The following PPP2R5C variants were observed in gnomAD, a reference collection of about 807,000 sequenced individuals.
PPP2R5C encodes protein phosphatase 2 regulatory subunit B'gamma, also known as serine/threonine-protein phosphatase 2A 56 kDa regulatory subunit gamma isoform.
A neutral mutation model predicts 68.9 loss-of-function variants in PPP2R5C; 7 were observed. The ratio of observed to expected loss-of-function variants is 0.10; its 90% CI spans 0.06 to 0.19. The LOEUF (loss-of-function observed/expected upper bound fraction) is 0.19, where lower values mean the gene tolerates loss of function less well. Among genes scored for constraint, PPP2R5C ranks in the 10% least tolerant of loss-of-function variants. The pLI is 1.00. For missense variants in PPP2R5C, 348 were observed against 641.3 expected, an observed-to-expected ratio of 0.54 and a Z score of 4.94; for synonymous variants, 210 against 222.2, an observed-to-expected ratio of 0.95 and a Z score of 0.49.
At chr14:101,812,776 G>T (rs575606138) in intron 1 of PPP2R5C, among the ~76,000 whole-genome samples, 30 of 152,318 alleles carry the variant, frequency 2.0e-4, no homozygotes, top group African/African-American at 7.0e-4. Flanking sequence ...ATGAGCAGGG[G>T]CTATGGCCCA....
At chr14:101,875,002 A>C (rs2043668545) in intron 2 of PPP2R5C, among the ~76,000 whole-genome samples, 1 of 152,206 alleles carries the variant, frequency 6.6e-6, no homozygotes, top group African/African-American at 2.4e-5. Flanking sequence ...AGCCTCCCAA[A>C]GTGCTGGGAT....
chr14:101,889,373 G>A (rs1302559459), intron 5 of PPP2R5C, among the ~76,000 whole-genome samples: 4 of 152,170 alleles, frequency 2.6e-5, no homozygotes. Context: ...CTTTGTTTCT[G>A]TAGGAGCCCT....
At chr14:101,787,440 A>ATGAAT (rs1337746269) in intron 3 of PPP2R5C, among the ~76,000 whole-genome samples, 11 of 151,900 alleles carry the variant, frequency 7.2e-5, no homozygotes, top group Non-Finnish European at 1.2e-4. Context: ...TTACGGGTGG[A>ATGAAT]TGAATTTTCT....
At chr14:101,844,133 GTTTTT>G (rs1404591801) in intron 1 of PPP2R5C, 1 of 136,382 alleles carries the variant, frequency 7.3e-6, no homozygotes, top group Non-Finnish European at 1.6e-5. Context: ...TGTTTTTGGT[GTTTTT>G]TTTGTTTTTT....
intron 1 of PPP2R5C, among the ~76,000 whole-genome samples, chr14:101,850,948 C>G (rs72715674): frequency 0.099 from 15,010 of 152,220 alleles, 820 homozygotes; most frequent in Non-Finnish European, 0.13. Flanking sequence ...GTTGTTAGTT[C>G]AACTTTGTTC....
chr14:101,875,331 C>T (rs985544232), intron 2 of PPP2R5C, among the ~76,000 whole-genome samples: 2 of 152,136 alleles, frequency 1.3e-5, no homozygotes, highest in African/African-American at 4.8e-5. Context: ...CAAGGACTTC[C>T]CGGCCACCCA....
At chr14:101,840,742 C>T (rs2041417564) in intron 1 of PPP2R5C, among the ~76,000 whole-genome samples, 1 of 152,192 alleles carries the variant, frequency 6.6e-6, no homozygotes, top group Admixed American at 6.5e-5. Context: ...AGATCAAGAA[C>T]AGCAAAGCAC....
intron 1 of PPP2R5C, among the ~76,000 whole-genome samples, chr14:101,845,680 A>G (rs1031298292): frequency 1.3e-5 from 2 of 152,328 alleles, no homozygotes; most frequent in East Asian, 1.9e-4. Context: ...TCATATGCAA[A>G]TAAAACCAGG....
chr14:101,797,367 A>G lies in PPP2R5C; in HGVS notation c.259+11184A>G, dbSNP rs1441840398. On this transcript the variant is annotated intron_variant, in intron 3 of 14. Coordinates refer to the PPP2R5C transcript ENST00000328724. The surrounding 1 kb of genome is among the most constrained non-coding windows in gnomAD (Gnocchi z 4.2). Reference sequence around the variant, plus strand: ...GCCACACACATTCAGTCAGTACACGAGTTAACAGTTGCGTGCTTGTCTGCC... The same window carrying G: ...GCCACACACATTCAGTCAGTACACGGGTTAACAGTTGCGTGCTTGTCTGCC... 3 of 446,812 alleles carry G rather than the reference A, an allele frequency of 6.7e-6. No individual in the cohort carries two copies. Among genetic ancestry groups the G allele is most frequent in the Non-Finnish European group, 4.5e-6 (1 of 219,838 alleles). The allele number at this position is 446,812 out of a possible 1,614,324, so 27.7% of individuals were successfully genotyped here. A position where few individuals can be genotyped will look rare whatever the true frequency, so the allele number is the denominator to read the frequency against.
intron 1 of PPP2R5C, chr14:101,836,192 G>T (rs530691206): frequency 2.8e-6 from 2 of 702,722 alleles, no homozygotes; most frequent in African/African-American, 1.7e-5. Context: ...GCTGGGCAGG[G>T]TTTCAGCTGA....
chr14:101,768,847 C>T (rs796191115), intron 2 of PPP2R5C, among the ~76,000 whole-genome samples: 71 of 146,178 alleles, frequency 4.9e-4, no homozygotes, highest in African/African-American at 1.8e-3. Context: ...TTTTTTGAGA[C>T]GGAGTCTTGC....
intron 2 of PPP2R5C, among the ~76,000 whole-genome samples, chr14:101,779,699 C>T (rs1297794971): frequency 6.6e-6 from 1 of 152,210 alleles, no homozygotes. Flanking sequence ...TGAACTTTCT[C>T]CCGCAGGCAG....
rs561947905 is a variant in PPP2R5C, at chr14:101,775,715, G to T, written c.94-10303G>T. 6.2e-4 allele frequency among the ~76,000 whole-genome samples: 94 copies of T among 152,288 alleles called. 2 individuals carry two copies. The highest frequency in any genetic ancestry group is 2.1e-3 in the African/African-American group (87 of 41,556). On this transcript the variant is annotated intron_variant, in intron 2 of 14. Coordinates refer to the PPP2R5C transcript ENST00000328724. ...GGCAGTGGGGCTGGGCCCAGGGCCA[G>T]CAGTCCACCTACCCTGGCTAGGAAC...
At position 101,891,621 on chromosome 14, in the gene PPP2R5C, C is replaced by T. The variant is rs910295769; in HGVS notation, c.689+1325C>T. ...CGTAGGGCCCCCGTGTGCATAGGGC[C>T]GCCGGGCAGCTCCCGCCGAGAGGCT... On this transcript the variant is annotated intron_variant, in intron 6 of 13. Transcript: ENST00000334743. The surrounding 1 kb of genome is among the most constrained non-coding windows in gnomAD (Gnocchi z 4.9). 3.3e-5 allele frequency among the ~76,000 whole-genome samples: 5 copies of T among 152,108 alleles called. No homozygotes were observed. The highest frequency in any genetic ancestry group is 6.5e-5 in the Admixed American group (1 of 15,284).
chr14:101,810,051 GTT>G (rs2140184161), intron 1 of PPP2R5C: 2 of 1,608,756 alleles, frequency 1.2e-6, no homozygotes, highest in Non-Finnish European at 1.7e-6. Context: ...GTTATTGTGT[GTT>G]TCACTGAATC....
At chr14:101,777,223 T>C (rs2037473047) in intron 2 of PPP2R5C, among the ~76,000 whole-genome samples, 3 of 152,186 alleles carry the variant, frequency 2.0e-5, no homozygotes, top group Admixed American at 2.0e-4. Flanking sequence ...ATTTGAGTTG[T>C]TTCTACCTTT....
intron 2 of PPP2R5C, among the ~76,000 whole-genome samples, chr14:101,770,398 C>T (rs1032114311): frequency 1.3e-5 from 2 of 152,170 alleles, no homozygotes; most frequent in African/African-American, 4.8e-5. Context: ...TGCTTCTGGA[C>T]ATCCAGTGTA....
intron 1 of PPP2R5C, among the ~76,000 whole-genome samples, chr14:101,762,175 C>T (rs1323847837): frequency 6.6e-6 from 1 of 151,660 alleles, no homozygotes. Flanking sequence ...TCGTGATGGG[C>T]CGGGGCTGGG....
chr14:101,816,071 C>T (rs1040179808), intron 1 of PPP2R5C, among the ~76,000 whole-genome samples: 7 of 152,194 alleles, frequency 4.6e-5, no homozygotes, highest in Admixed American at 6.5e-5. Flanking sequence ...CTGTAGTTAA[C>T]GTATTTCAAT....
Sources: gnomAD v4.1 joint callset for allele counts (sites outside exome capture counted in the v4.1 genomes callset) on GRCh38, gnomAD v4.1.1 for gene constraint, Gnocchi (gnomAD v3.1) non-coding constraint, MANE v1.5 for transcripts, NCBI Gene and HGNC (gene_info 2026-07-23, HGNC 2026-07-21) for gene names.